MIA3: variants seen among roughly 807,000 people sequenced by gnomAD.
The protein encoded by MIA3 is transport and Golgi organization protein 1 homolog.
A neutral mutation model predicts 192.4 loss-of-function variants in MIA3; 90 were observed. The observed-to-expected ratio is 0.47, with a 90% CI of 0.39 to 0.56. The LOEUF is 0.56. Ranked by LOEUF, MIA3 falls within the 20% of genes least tolerant of loss-of-function variation. The pLI, the probability that MIA3 is intolerant of heterozygous loss-of-function variation, is 0.00. For missense variants in MIA3, 2,123 were observed against 2,269.4 expected (o/e 0.94, Z 1.31); for synonymous variants, 740 against 792.8 (o/e 0.93, Z 1.12).
intron 2 of MIA3, among the ~76,000 whole-genome samples, chr1:222,622,031 C>G (rs376497603): frequency 6.6e-6 from 1 of 152,236 alleles, no homozygotes; most frequent in South Asian, 2.1e-4. Context: ...GTCTCGATCT[C>G]CTGACCTTGT....
At chr1:222,659,584 A>C in intron 20 of MIA3, 38 bp from the exon 21 acceptor site, 1 of 1,612,508 alleles carries the variant, frequency 6.2e-7, no homozygotes, top group African/African-American at 1.3e-5. Context: ...ATTATAATGA[A>C]TCTGTATGCA....
intron 10 of MIA3, 37 bp downstream of exon 10, chr1:222,650,748 A>C: frequency 1.9e-6 from 3 of 1,565,208 alleles, no homozygotes; most frequent in East Asian, 2.2e-5. Context: ...TTTAAAACAA[A>C]AGTAAAAGTA....
Position 222,630,364 on chromosome 1 carries a change from G to C in MIA3, c.3144G>C (p.Glu1048Asp). ...TATLVMAPPL[E>D]EGLGGAMEEM... ...CACTGGTGATGGCACCACCTCTAGA[G>C]GAAGGCTTGGGTGGAGCAATGGAAG... The change falls in exon 4 of 28, where the codon GAG becomes GAC. Residue 1048 changes from glutamate (E) to aspartate (D), a missense_variant. Around this residue, in one of 3 missense-constraint regions of MIA3, gnomAD observed 1,357 missense variants for 1,396.1 expected, o/e 0.97. Coordinates refer to ENST00000344922, the MANE Select transcript of MIA3 (RefSeq NM_198551.4). 6.2e-7 allele frequency: 1 copy of C among 1,610,012 alleles called. No homozygotes were observed. Among genetic ancestry groups the C allele is most frequent in the Non-Finnish European group, 8.5e-7 (1 of 1,177,774 alleles).
intron 6 of MIA3, among the ~76,000 whole-genome samples, chr1:222,642,480 C>G (rs1041439838): frequency 7.9e-5 from 12 of 151,808 alleles, no homozygotes; most frequent in African/African-American, 2.9e-4. Flanking sequence ...TGTTTCTAGT[C>G]TTTTGTTATA....
intron 4 of MIA3, among the ~76,000 whole-genome samples, 185 bp from the exon 5 acceptor site, chr1:222,631,980 T>C (rs1662415629): frequency 6.6e-6 from 1 of 152,236 alleles, no homozygotes; most frequent in African/African-American, 2.4e-5. Flanking sequence ...GATTTTATTA[T>C]GTAGATTAGT....
chr1:222,665,218 AAAAG>A lies in MIA3; in HGVS notation c.5414-90_5414-87del, dbSNP rs1250389045. ...CCGCCAAAAAAAAAAAAAAAAAAAA[AAAAG>A]GATGACAGACTATATTAACATACCT... On this transcript the variant is annotated intron_variant, in intron 27 of 27. Transcript: ENST00000344922. The A allele has an allele frequency of 1.9e-4, 176 of 917,152 alleles. No homozygotes were observed. The African/African-American group carries it at 2.7e-3, about 14-fold the overall frequency. The allele number at this position is 917,152 out of a possible 1,614,324, so 56.8% of individuals were successfully genotyped here. A position where few individuals can be genotyped will look rare whatever the true frequency, so the allele number is the denominator to read the frequency against.
At chr1:222,657,869 G>GT (rs1663817128) in intron 18 of MIA3, among the ~76,000 whole-genome samples, 1 of 152,108 alleles carries the variant, frequency 6.6e-6, no homozygotes, top group African/African-American at 2.4e-5. Context: ...TTTCTCTTTG[G>GT]TGTTAATAAC....
At chr1:222,659,048 G>C (rs771049029) in intron 19 of MIA3, 7 of 468,272 alleles carry the variant, frequency 1.5e-5, no homozygotes, top group South Asian at 8.7e-5. Context: ...GGGGTTGGAG[G>C]GGGTGGGAGC....
intron 20 of MIA3, 32 bp from the exon 21 acceptor site, chr1:222,659,590 A>G (rs936357106): frequency 1.1e-5 from 18 of 1,612,626 alleles, no homozygotes; most frequent in Admixed American, 6.7e-5. Flanking sequence ...ATGAATCTGT[A>G]TGCATATTTT....
chr1:222,641,856 G>C (rs891354114), intron 6 of MIA3: 1 of 489,520 alleles, frequency 2.0e-6, no homozygotes, highest in African/African-American at 2.0e-5. Context: ...TGATAGTCTT[G>C]GAAGTTTTAT....
At position 222,618,249 on chromosome 1, in the gene MIA3, T is replaced by C. The variant is rs1168766963; in HGVS notation, c.133+6T>C. 4 of 1,439,446 alleles carry C rather than the reference T, an allele frequency of 2.8e-6. No homozygotes were observed. In the Middle Eastern group the frequency reaches 5.5e-4, roughly 198 times the overall value. 89.2% of individuals were successfully genotyped at this position (1,439,446 alleles called of 1,614,324 possible). The stretch of plus-strand genomic sequence containing the variant: ...CGCGGACGACGAATGCAGCAGTGAG[T>C]GCGCTGGAGGGGCGGCTGGCCTCGG... On this transcript the variant is annotated splice_donor_region_variant and intron_variant, in intron 1 of 27. Coordinates refer to ENST00000344922, the MANE Select transcript of MIA3 (RefSeq NM_198551.4).
chr1:222,667,242 A>G lies in MIA3; in HGVS notation c.*1623A>G, dbSNP rs945976588. ...TCTTCAGGAAAAGAGAATTCAATCT[A>G]TATGTCCTCCCGTTTAATATCAAGA... is the stretch of plus-strand genomic sequence containing the variant. On this transcript the variant is annotated 3_prime_UTR_variant, in exon 28 of 28. Transcript: ENST00000344922. The G allele has an allele frequency of 5.3e-5, 8 of 152,228 alleles. No individual in the cohort carries two copies. Among genetic ancestry groups the G allele is most frequent in the Admixed American group, 2.6e-4 (4 of 15,284 alleles). 9.4% of individuals were successfully genotyped at this position (152,228 alleles called of 1,614,324 possible).
chr1:222,664,056 C>T lies in MIA3; in HGVS notation c.5321C>T (p.Pro1774Leu). 2 of 1,613,804 alleles carry T rather than the reference C, an allele frequency of 1.2e-6. No homozygotes were observed. The highest frequency in any genetic ancestry group is 1.7e-6 in the Non-Finnish European group (2 of 1,179,658). Residue 1774 changes from proline (P) to leucine (L), a missense_variant, in exon 27 of 28, where the codon CCC becomes CTC. Pro to Leu is a moderately conservative substitution (Grantham distance 98). This residue lies in a region of MIA3 where 762 missense variants were observed against 856.4 expected (regional missense o/e 0.89). Coordinates refer to ENST00000344922, the MANE Select transcript of MIA3 (RefSeq NM_198551.4). ...CCAGGAGTCCCTCTCATGAGCACCC[C>T]CATGGGAGGCCCTGTACCACCACCC... ...PFPGVPLMSTPMGGPVPPPIR... is the reference protein window; with the variant it reads ...PFPGVPLMSTLMGGPVPPPIR...
chr1:222,647,517 G>T lies in MIA3; in HGVS notation c.3610-1312G>T, dbSNP rs181891012. Among the ~76,000 whole-genome samples the T allele has an allele frequency of 1.3e-4, 20 of 152,170 alleles. No individual in the cohort carries two copies. In the East Asian group the frequency reaches 3.7e-3, roughly 28 times the overall value. ...ATTGTAAAATTACTTAAAAAGAAGG[G>T]TCTTTTTTCCTGTGAGGCCTTCTCT... is the stretch of plus-strand genomic sequence containing the variant. On this transcript the variant is annotated intron_variant, in intron 7 of 27. Coordinates refer to ENST00000344922, the MANE Select transcript of MIA3 (RefSeq NM_198551.4).
chr1:222,621,813 G>GT (rs35055360), intron 2 of MIA3, among the ~76,000 whole-genome samples: 3,169 of 140,074 alleles, frequency 0.023, 139 homozygotes, highest in African/African-American at 0.076. Context: ...TTGTTTGTTT[G>GT]TTTTTTTTTT....
In MIA3 at chr1:222,628,580, A is replaced by G; in HGVS notation, c.1360A>G (p.Asn454Asp). The change falls in exon 4 of 28, where the codon AAT becomes GAT. Residue 454 changes from asparagine (N) to aspartate (D), a missense_variant. By Grantham distance (23) the Asn-to-Asp change is conservative. Coordinates refer to ENST00000344922, the MANE Select transcript of MIA3 (RefSeq NM_198551.4). ...LFIVDIPKTN[N>D]DKEVNAEHHI... ...TATTGTAGACATTCCTAAAACAAAT[A>G]ATGACAAAGAAGTAAACGCAGAACA... The G allele has an allele frequency of 1.2e-6, 2 of 1,614,150 alleles. No individual in the cohort carries two copies. The highest frequency in any genetic ancestry group is 1.7e-6 in the Non-Finnish European group (2 of 1,180,026).
intron 3 of MIA3, among the ~76,000 whole-genome samples, chr1:222,626,937 C>G (rs938798114): frequency 6.6e-6 from 1 of 152,192 alleles, no homozygotes; most frequent in Non-Finnish European, 1.5e-5. Context: ...AGCTGATGGT[C>G]TTTCAGCTCC....
Position 222,624,852 on chromosome 1 carries a change from G to T in MIA3, c.352G>T (p.Asp118Tyr). Residue 118 changes from aspartate (D) to tyrosine (Y), a missense_variant and splice_region_variant, in exon 3 of 28, where the codon GAT becomes TAT. By Grantham distance (160) the Asp-to-Tyr change is radical (BLOSUM62 -3). This residue lies in a region of MIA3 where 1,357 missense variants were observed against 1,396.1 expected (regional missense o/e 0.97). Coordinates refer to ENST00000344922, the MANE Select transcript of MIA3 (RefSeq NM_198551.4). ...CAAAGAAGAGCTACAAGTTCCAACA[G>T]ATGTAAGTTGTGGATTTCTGTCTTG... The part of the protein sequence containing the change: ...YTKEELQVPT[D>Y]ETDFVCFDGG... The T allele has an allele frequency of 6.4e-7, 1 of 1,564,400 alleles. No homozygotes were observed. Among genetic ancestry groups the T allele is most frequent in the South Asian group, 1.1e-5 (1 of 89,318 alleles).
Position 222,628,474 on chromosome 1 carries a change from A to G in MIA3, c.1254A>G (p.Ala418=). 4 of 1,613,250 alleles carry G rather than the reference A, an allele frequency of 2.5e-6. No homozygotes were observed. The highest frequency in any genetic ancestry group is 2.2e-5 in the East Asian group (1 of 44,878). Residue 418 remains alanine, a synonymous_variant, in exon 4 of 28, where the codon GCA becomes GCG. Coordinates refer to ENST00000344922, the MANE Select transcript of MIA3 (RefSeq NM_198551.4). ...AAGAAAAAGAAGATGATGATGATGC[A>G]TTAGTCCCAGATAGCAAACAGGGGA... ...SEEEKEDDDD[A]LVPDSKQGKP... is the part of the protein sequence containing the mutation.
Sources: gnomAD v4.1 joint callset for allele counts (sites outside exome capture counted in the v4.1 genomes callset) on GRCh38, gnomAD v4.1.1 for gene constraint, gnomAD v4.1.1 regional missense constraint, MANE v1.5 for transcripts, NCBI Gene and HGNC (gene_info 2026-07-23, HGNC 2026-07-21) for gene names.